The following NUBP1 variants were observed in gnomAD, a reference collection of about 807,000 sequenced individuals.
The protein encoded by NUBP1 is NUBP iron-sulfur cluster assembly factor 1, cytosolic.
NUBP1 carries 46 observed loss-of-function variants against 41.8 expected under a neutral mutation model. That is an observed-to-expected ratio of 1.10 (90% confidence interval 0.87 to 1.41). The LOEUF (loss-of-function observed/expected upper bound fraction) is 1.41, where lower values mean the gene tolerates loss of function less well. Among genes scored for constraint, NUBP1 ranks in the 40% most tolerant of loss-of-function variants. The pLI is 0.00. For synonymous variants in NUBP1, 189 were observed against 154.6 expected (o/e 1.22, Z -1.65); for missense variants, 494 against 414.0 (o/e 1.19, Z -1.68).
chr16:10,768,903 CAG>C lies in NUBP1; in HGVS notation c.905-143_905-142del. 1 of 687,642 alleles carries C rather than the reference CAG, an allele frequency of 1.5e-6. No individual in the cohort carries two copies. The highest frequency in any genetic ancestry group is 2.6e-6 in the Non-Finnish European group (1 of 391,456). The allele number at this position is 687,642 out of a possible 1,614,324, so 42.6% of individuals were successfully genotyped here. A position where few individuals can be genotyped will look rare whatever the true frequency, so the allele number is the denominator to read the frequency against. The stretch of plus-strand genomic sequence containing the variant: ...GGTATTCCGGTCACTTTCAAAGACT[CAG>C]GGCATCACAGACACAGGTCTTTTTA... On this transcript the variant is annotated intron_variant, in intron 10 of 10. Coordinates refer to ENST00000283027, the MANE Select transcript of NUBP1 (RefSeq NM_002484.4). The surrounding 1 kb of genome is among the most constrained non-coding windows in gnomAD (Gnocchi z 4.3).
Position 10,768,426 on chromosome 16 carries a change from G to C in NUBP1, c.904+394G>C. The C allele has an allele frequency of 6.1e-6, 1 of 162,642 alleles. No individual in the cohort carries two copies. Among genetic ancestry groups the C allele is most frequent in the Middle Eastern group, 3.1e-3 (1 of 320 alleles). The allele number at this position is 162,642 out of a possible 1,614,324, so 10.1% of individuals were successfully genotyped here. A position where few individuals can be genotyped will look rare whatever the true frequency, so the allele number is the denominator to read the frequency against. On this transcript the variant is annotated intron_variant, in intron 10 of 10. Transcript: ENST00000283027. This position sits in a 1 kb window ranked among gnomAD's most constrained non-coding sequence, Gnocchi z 4.3. ...GTTCAAGACCAGCCTGGCTAACATGGAGAAACACTGTCTCTACTAAAAATA... is the reference window on the plus strand; with the variant it reads ...GTTCAAGACCAGCCTGGCTAACATGCAGAAACACTGTCTCTACTAAAAATA...
intron 2 of NUBP1, among the ~76,000 whole-genome samples, chr16:10,745,132 CAAT>C (rs986387236): frequency 6.6e-6 from 1 of 151,194 alleles, no homozygotes; most frequent in African/African-American, 2.4e-5. Context: ...TGACCTTCAG[CAAT>C]AGTCCTAACC....
intron 2 of NUBP1, among the ~76,000 whole-genome samples, chr16:10,746,045 C>A (rs1435872202): frequency 6.6e-6 from 1 of 152,170 alleles, no homozygotes; most frequent in African/African-American, 2.4e-5. Flanking sequence ...GGCAGTCATC[C>A]CACAATGGAT....
chr16:10,763,636 TG>T (rs2030363220), intron 9 of NUBP1: 2 of 152,338 alleles, frequency 1.3e-5, no homozygotes, highest in African/African-American at 4.8e-5. Flanking sequence ...GCTGCATGAA[TG>T]GATGTGATTG....
At position 10,769,150 on chromosome 16, in the gene NUBP1, C is replaced by A; in HGVS notation, c.*45C>A. On this transcript the variant is annotated 3_prime_UTR_variant, in exon 11 of 11. Transcript: ENST00000283027. ...CCAAGCAGTTACCGAGCGAGGCACT[C>A]ACTGGGCAGCACATCCAGCCAGACC... The A allele has an allele frequency of 6.4e-7, 1 of 1,573,928 alleles. No homozygotes were observed.
intron 2 of NUBP1, 128 bp from the exon 3 acceptor site, chr16:10,747,015 G>T (rs1226172771): frequency 9.5e-7 from 1 of 1,047,692 alleles, no homozygotes; most frequent in Non-Finnish European, 1.4e-6. Flanking sequence ...AGGTATTTCA[G>T]AGGATCGTTT....
At chr16:10,752,015 G>T (rs983163320) in intron 3 of NUBP1, among the ~76,000 whole-genome samples, 3 of 152,172 alleles carry the variant, frequency 2.0e-5, no homozygotes, top group Non-Finnish European at 2.9e-5. Context: ...GCACATGGCC[G>T]CCTCAGCCTC....
chr16:10,761,677 T>G, intron 8 of NUBP1, 80 bp from the exon 9 acceptor site: 1 of 1,189,204 alleles, frequency 8.4e-7, no homozygotes. Context: ...TTTTTTTTTT[T>G]TAAGTTTCTT....
In NUBP1 at chr16:10,757,872, G is replaced by A. The variant is rs1420075875; in HGVS notation, c.452-1G>A. 1 of 1,613,456 alleles carries A rather than the reference G, an allele frequency of 6.2e-7. No homozygotes were observed. The highest frequency in any genetic ancestry group is 1.7e-5 in the Admixed American group (1 of 60,008). Reference sequence around the variant, plus strand: ...CATCCCCTGTGGATTCCTCTTTCTAGGCATGATCAAGCAGTTCCTCCGAGA... The same window carrying A: ...CATCCCCTGTGGATTCCTCTTTCTAAGCATGATCAAGCAGTTCCTCCGAGA... On this transcript the variant is annotated splice_acceptor_variant, in intron 6 of 10. Transcript: ENST00000283027. LOFTEE classifies it high-confidence loss of function. The surrounding 1 kb of genome is among the most constrained non-coding windows in gnomAD (Gnocchi z 4.1).
chr16:10,760,904 A>C (rs567779102), intron 7 of NUBP1: 37 of 169,178 alleles, frequency 2.2e-4, no homozygotes, highest in Non-Finnish European at 3.9e-4. Flanking sequence ...GAACTGCCTG[A>C]GACTGGGTAA....
At chr16:10,746,689 G>A (rs921050982) in intron 2 of NUBP1, among the ~76,000 whole-genome samples, 14 of 151,962 alleles carry the variant, frequency 9.2e-5, no homozygotes, top group African/African-American at 2.9e-4. Flanking sequence ...GCAGTGAGCC[G>A]AGATCACGCC....
intron 9 of NUBP1, among the ~76,000 whole-genome samples, chr16:10,763,016 G>A (rs1260261818): frequency 3.3e-5 from 5 of 152,142 alleles, no homozygotes; most frequent in Non-Finnish European, 7.4e-5. Flanking sequence ...TGGCGTTGGT[G>A]TAGAAAGGAA....
At chr16:10,761,554 C>G in intron 8 of NUBP1, 80 bp downstream of exon 8, 12 of 1,226,152 alleles carry the variant, frequency 9.8e-6, no homozygotes, top group African/African-American at 1.5e-5. Context: ...GCTCTGCAAA[C>G]TATTTCTGCT....
chr16:10,763,528 C>T (rs2030346890), intron 9 of NUBP1: 1 of 152,326 alleles, frequency 6.6e-6, no homozygotes, highest in African/African-American at 2.4e-5. Flanking sequence ...GCTGCTTTCT[C>T]AACCTTCCCC....
At chr16:10,744,157 A>G in intron 2 of NUBP1, 92 bp downstream of exon 2, 10 of 1,198,600 alleles carry the variant, frequency 8.3e-6, no homozygotes, top group Non-Finnish European at 1.1e-6. Flanking sequence ...CTGCAGAATG[A>G]CTGACAGCGG....
intron 3 of NUBP1, among the ~76,000 whole-genome samples, chr16:10,750,628 T>G (rs1206553208): frequency 6.6e-6 from 1 of 151,896 alleles, no homozygotes; most frequent in Non-Finnish European, 1.5e-5. Flanking sequence ...GGACTGAGTG[T>G]GCGAGGCCCT....
chr16:10,745,082 C>CAG (rs1336208192), intron 2 of NUBP1, among the ~76,000 whole-genome samples: 1 of 151,050 alleles, frequency 6.6e-6, no homozygotes, highest in East Asian at 2.0e-4. Context: ...TGAAGGAGTT[C>CAG]AGAGAGAGAC....
In NUBP1 at chr16:10,768,300, G is replaced by T; in HGVS notation, c.904+268G>T. The T allele has an allele frequency of 9.8e-6, 2 of 204,396 alleles. No individual in the cohort carries two copies. The highest frequency in any genetic ancestry group is 1.9e-5 in the Non-Finnish European group (2 of 107,314). 12.7% of individuals were successfully genotyped at this position (204,396 alleles called of 1,614,324 possible). ...GGGATAAAGTAATTCATTTTTAAAA[G>T]TAACTGATAAAAAAAAAAAAGGCCA... On this transcript the variant is annotated intron_variant, in intron 10 of 10. Transcript: ENST00000283027. This position sits in a 1 kb window ranked among gnomAD's most constrained non-coding sequence, Gnocchi z 4.3.
Position 10,761,935 on chromosome 16 carries a change from C to T in NUBP1, c.820+76C>T, listed in dbSNP as rs141247386. On this transcript the variant is annotated intron_variant, in intron 9 of 10. Coordinates refer to ENST00000283027, the MANE Select transcript of NUBP1 (RefSeq NM_002484.4). ...GGCACGGGTCGGGCACAACAGGGGG[C>T]GGCTACAGAGAGGGGCAATGGAAGG... The T allele has an allele frequency of 5.0e-4, 582 of 1,166,690 alleles. 3 individuals are homozygous for T. In the African/African-American group the frequency reaches 5.3e-3, roughly 11 times the overall value. 72.3% of individuals were successfully genotyped at this position (1,166,690 alleles called of 1,614,324 possible). A position where few individuals can be genotyped will look rare whatever the true frequency, so the allele number is the denominator to read the frequency against.
Sources: allele counts gnomAD v4.1 joint callset (sites outside exome capture counted in the v4.1 genomes callset), GRCh38; gene constraint gnomAD v4.1.1; non-coding constraint Gnocchi (gnomAD v3.1); transcripts MANE v1.5; gene names NCBI Gene and HGNC (gene_info 2026-07-23, HGNC 2026-07-21).